The following OPCML variants were observed in gnomAD, a reference collection of about 807,000 sequenced individuals.
The protein encoded by OPCML is opioid binding protein/cell adhesion molecule like.
Under a neutral mutation model 37.8 loss-of-function variants are expected in OPCML, and 13 were observed. The ratio of observed to expected loss-of-function variants is 0.34; its 90% CI spans 0.22 to 0.55. The LOEUF (loss-of-function observed/expected upper bound fraction) is 0.55. Among genes scored for constraint, OPCML ranks in the 20% least tolerant of loss-of-function variants. The pLI is 0.91. For synonymous variants in OPCML, 176 were observed against 168.8 expected, an observed-to-expected ratio of 1.04 and a Z score of -0.33; for missense variants, 341 against 435.6, an observed-to-expected ratio of 0.78 and a Z score of 1.93.
chr11:132,471,639 C>A (rs762394684), intron 4 of OPCML, among the ~76,000 whole-genome samples: 25 of 152,186 alleles, frequency 1.6e-4, no homozygotes, highest in Non-Finnish European at 2.9e-4. Flanking sequence ...AAGACCAAGA[C>A]AGAAGCTGCA....
At chr11:133,323,651 A>T (rs1943385640) in intron 1 of OPCML, among the ~76,000 whole-genome samples, 1 of 152,328 alleles carries the variant, frequency 6.6e-6, no homozygotes, top group South Asian at 2.1e-4. Flanking sequence ...TGAGGCATCC[A>T]CTAGGCCACC....
intron 1 of OPCML, among the ~76,000 whole-genome samples, chr11:132,976,728 G>A (rs539795351): frequency 6.6e-6 from 1 of 152,126 alleles, no homozygotes; most frequent in African/African-American, 2.4e-5. Flanking sequence ...AATTTTATTA[G>A]AAACATAAGC....
Position 132,437,303 on chromosome 11 carries a change from C to T in OPCML, c.562G>A (p.Asp188Asn), listed in dbSNP as rs776877323. Residue 188 changes from aspartate (D) to asparagine (N), a missense_variant, in exon 5 of 8, where the codon GAC becomes AAC. Transcript: ENST00000524381. Reference sequence around the variant, plus strand: ...CTGCATTCGTACTCCCCGGACTGGTCTCGCTTGATGTCAGAGATCTCCAGG... The same window carrying T: ...CTGCATTCGTACTCCCCGGACTGGTTTCGCTTGATGTCAGAGATCTCCAGG... ...EYLEISDIKR[D>N]QSGEYECSAL... The T allele has an allele frequency of 3.7e-6, 6 of 1,614,128 alleles. No individual in the cohort carries two copies. In the Admixed American group the frequency reaches 1.0e-4, roughly 27 times the overall value.
At chr11:133,467,138 TCCCAGTGCCC>T (rs1373796214) in intron 1 of OPCML, among the ~76,000 whole-genome samples, 4 of 152,202 alleles carry the variant, frequency 2.6e-5, no homozygotes, top group Admixed American at 2.0e-4. Flanking sequence ...CAAGGGGCAT[TCCCAGTGCCC>T]CCCTAAGATG....
At chr11:133,315,551 C>A (rs909990970) in intron 1 of OPCML, among the ~76,000 whole-genome samples, 2 of 152,238 alleles carry the variant, frequency 1.3e-5, no homozygotes, top group Non-Finnish European at 2.9e-5. Flanking sequence ...ATAATCCCAG[C>A]ACTTTGGAAG....
intron 4 of OPCML, among the ~76,000 whole-genome samples, chr11:132,477,985 C>T (rs1246897171): frequency 1.3e-5 from 2 of 151,996 alleles, no homozygotes; most frequent in South Asian, 2.1e-4. Context: ...ATTGCTTATT[C>T]ATTTTTAAAT....
intron 1 of OPCML, among the ~76,000 whole-genome samples, chr11:133,328,526 T>G (rs945154056): frequency 6.6e-6 from 1 of 152,064 alleles, no homozygotes; most frequent in Non-Finnish European, 1.5e-5. Flanking sequence ...AATGCAATAC[T>G]CAAAACCTCA....
At chr11:132,884,353 T>C (rs2136438695) in intron 2 of OPCML, among the ~76,000 whole-genome samples, 1 of 152,244 alleles carries the variant, frequency 6.6e-6, no homozygotes, top group South Asian at 2.1e-4. Context: ...ATGGCTCCAA[T>C]AAGTCAGAGA....
At chr11:132,736,215 G>C (rs1290651187) in intron 2 of OPCML, among the ~76,000 whole-genome samples, 1 of 152,100 alleles carries the variant, frequency 6.6e-6, no homozygotes, top group Non-Finnish European at 1.5e-5. Flanking sequence ...GGGAGAGCAG[G>C]AAAAACTGTC....
At chr11:132,908,846 G>A (rs1944330363) in intron 2 of OPCML, among the ~76,000 whole-genome samples, 1 of 152,226 alleles carries the variant, frequency 6.6e-6, no homozygotes, top group Admixed American at 6.5e-5. Context: ...ACATTTGGTG[G>A]TCACAGGTAA....
At chr11:132,527,612 G>A (rs1317546443) in intron 4 of OPCML, among the ~76,000 whole-genome samples, 1 of 151,844 alleles carries the variant, frequency 6.6e-6, no homozygotes, top group Non-Finnish European at 1.5e-5. Context: ...TACACTAGAT[G>A]TAAATTTTTT....
rs544065942 is a variant in OPCML, at chr11:132,472,665, A to G, written c.506-35306T>C. Among the ~76,000 whole-genome samples, 3 of 152,338 alleles carry G rather than the reference A, an allele frequency of 2.0e-5. No homozygotes were observed. The East Asian group carries it at 5.8e-4, about 29-fold the overall frequency. On this transcript the variant is annotated intron_variant, in intron 4 of 7. Coordinates refer to ENST00000524381, the MANE Select transcript of OPCML (RefSeq NM_001012393.5). ...CTTGGCCAGGGCTTCAGATAAATGG[A>G]ATAAATGGAGGTGAGCTTCCAGCAG...
At chr11:132,433,234 G>A (rs1173111072) in intron 7 of OPCML, among the ~76,000 whole-genome samples, 1 of 152,196 alleles carries the variant, frequency 6.6e-6, no homozygotes. Flanking sequence ...GTGTTGGCGG[G>A]TACCAGTAGA....
intron 1 of OPCML, among the ~76,000 whole-genome samples, chr11:132,960,428 C>G (rs763126501): frequency 6.6e-5 from 10 of 152,146 alleles, no homozygotes; most frequent in Non-Finnish European, 1.3e-4. Context: ...GAGGTTGGGG[C>G]GAGGCCAGGA....
chr11:133,340,679 C>T (rs1258739209), intron 1 of OPCML, among the ~76,000 whole-genome samples: 1 of 146,496 alleles, frequency 6.8e-6, no homozygotes, highest in East Asian at 2.0e-4. Flanking sequence ...TCTACCTCTT[C>T]TTTTTATTAA....
In OPCML at chr11:132,806,075, T is replaced by C. The variant is rs140917898; in HGVS notation, c.146+136851A>G. ...GGAGAAGGTTACATATCATTAGCCA[T>C]AGAGAAACCATATAAAAATTTTAAT... On this transcript the variant is annotated intron_variant, in intron 2 of 7. Coordinates refer to ENST00000524381, the MANE Select transcript of OPCML (RefSeq NM_001012393.5). 4.0e-3 allele frequency among the ~76,000 whole-genome samples: 612 copies of C among 152,134 alleles called. 6 individuals are homozygous for C. Among genetic ancestry groups the C allele is most frequent in the African/African-American group, 0.014 (581 of 41,532 alleles).
At chr11:132,812,743 G>T (rs1262426922) in intron 2 of OPCML, among the ~76,000 whole-genome samples, 1 of 152,156 alleles carries the variant, frequency 6.6e-6, no homozygotes, top group Non-Finnish European at 1.5e-5. Flanking sequence ...CTCCTACTCT[G>T]TTATTACATA....
intron 2 of OPCML, among the ~76,000 whole-genome samples, chr11:132,795,178 G>A (rs906049220): frequency 7.2e-5 from 11 of 152,128 alleles, no homozygotes; most frequent in Admixed American, 3.3e-4. Context: ...TTGAGTACAT[G>A]GGTGTTAGCT....
intron 1 of OPCML, among the ~76,000 whole-genome samples, chr11:133,140,531 T>TAATAAGAAGAAG (rs1272061685): frequency 0.016 from 1,387 of 88,064 alleles, 19 homozygotes; most frequent in Middle Eastern, 0.041. Context: ...ATAATAATAA[T>TAATAAGAAGAAG]AAGAAGAAGA....
Sources: gnomAD v4.1 joint callset for allele counts (sites outside exome capture counted in the v4.1 genomes callset) on GRCh38, gnomAD v4.1.1 for gene constraint, MANE v1.5 for transcripts, NCBI Gene and HGNC (gene_info 2026-07-23, HGNC 2026-07-21) for gene names.